Variants in ROBO2 observed in about 807,000 individuals in gnomAD.
ROBO2 encodes roundabout homolog 2.
A neutral mutation model predicts 160.8 loss-of-function variants in ROBO2; 53 were observed. The ratio of observed to expected loss-of-function variants is 0.33; its 90% CI spans 0.26 to 0.41. The LOEUF (loss-of-function observed/expected upper bound fraction) is 0.41. ROBO2 is among the 10% of genes least tolerant of loss of function. The probability of loss-of-function intolerance (pLI) is 1.00; values close to 1 mark genes in which losing one functional copy is unlikely to be tolerated. For missense variants in ROBO2, 1,577 were observed against 1,722.4 expected, an observed-to-expected ratio of 0.92 and a Z score of 1.49; for synonymous variants, 664 against 611.7, an observed-to-expected ratio of 1.09 and a Z score of -1.26.
chr3:76,441,846 T>C (rs929079311), intron 2 of ROBO2, among the ~76,000 whole-genome samples: 2 of 152,228 alleles, frequency 1.3e-5, no homozygotes, highest in Non-Finnish European at 2.9e-5. Flanking sequence ...TAGGCTGGCT[T>C]TGTCCCACCA....
intron 6 of ROBO2, among the ~76,000 whole-genome samples, chr3:77,532,817 A>G (rs1045807650): frequency 2.6e-5 from 4 of 151,562 alleles, no homozygotes; most frequent in African/African-American, 9.7e-5. Context: ...TTCGTTTTTA[A>G]AAGAGAGATT....
intron 2 of ROBO2, among the ~76,000 whole-genome samples, chr3:76,270,814 T>C (rs2107625795): frequency 6.6e-6 from 1 of 152,178 alleles, no homozygotes; most frequent in East Asian, 1.9e-4. Context: ...ATGTAGAGTA[T>C]AGCAACTTGG....
intron 2 of ROBO2, among the ~76,000 whole-genome samples, chr3:77,242,040 A>G (rs2151377824): frequency 6.6e-6 from 1 of 152,274 alleles, no homozygotes; most frequent in East Asian, 1.9e-4. Flanking sequence ...TTCTTTTAGC[A>G]ACTTACTTTG....
At chr3:76,561,922 C>T (rs150706983) in intron 2 of ROBO2, among the ~76,000 whole-genome samples, 111 of 152,244 alleles carry the variant, frequency 7.3e-4, no homozygotes, top group African/African-American at 2.6e-3. Flanking sequence ...CTTCAAAATT[C>T]AGGACAACAT....
intron 2 of ROBO2, among the ~76,000 whole-genome samples, chr3:75,943,633 AAAG>A (rs1330861855): frequency 1.3e-5 from 2 of 152,318 alleles, no homozygotes; most frequent in African/African-American, 4.8e-5. Flanking sequence ...AAACAGGAAA[AAAG>A]AAGTAAAGTG....
At chr3:77,301,563 T>C (rs2062658730) in intron 2 of ROBO2, among the ~76,000 whole-genome samples, 2 of 152,246 alleles carry the variant, frequency 1.3e-5, no homozygotes, top group Admixed American at 1.3e-4. Context: ...AAAATGTTCC[T>C]ATCATACATA....
chr3:76,857,761 T>A (rs1040735786), intron 2 of ROBO2, among the ~76,000 whole-genome samples: 1 of 152,192 alleles, frequency 6.6e-6, no homozygotes, highest in Non-Finnish European at 1.5e-5. Context: ...ACTCATTATC[T>A]TAATTAAAAT....
At chr3:76,951,709 T>A (rs1421225817) in intron 2 of ROBO2, among the ~76,000 whole-genome samples, 1 of 152,188 alleles carries the variant, frequency 6.6e-6, no homozygotes, top group Non-Finnish European at 1.5e-5. Flanking sequence ...ATTGTTTTCT[T>A]GTTAAAGACA....
intron 2 of ROBO2, among the ~76,000 whole-genome samples, chr3:76,304,408 G>A (rs1390711243): frequency 1.3e-5 from 2 of 152,142 alleles, no homozygotes; most frequent in African/African-American, 2.4e-5. Context: ...AAATAACGAC[G>A]TAATTAATGA....
intron 2 of ROBO2, among the ~76,000 whole-genome samples, chr3:76,558,190 T>G (rs906811031): frequency 6.6e-6 from 1 of 152,112 alleles, no homozygotes; most frequent in African/African-American, 2.4e-5. Flanking sequence ...TATTCCCGTG[T>G]GAACTGAAAA....
At chr3:77,312,646 C>T (rs1458754814) in intron 2 of ROBO2, among the ~76,000 whole-genome samples, 1 of 152,086 alleles carries the variant, frequency 6.6e-6, no homozygotes, top group Non-Finnish European at 1.5e-5. Context: ...ATTCTTAGGC[C>T]ATAAAGATCC....
chr3:76,482,009 A>G (rs1295842317), intron 2 of ROBO2, among the ~76,000 whole-genome samples: 1 of 152,116 alleles, frequency 6.6e-6, no homozygotes, highest in Non-Finnish European at 1.5e-5. Context: ...CTTGCATTCA[A>G]TAAGTCAGAA....
chr3:75,982,793 A>G (rs2065312925), intron 2 of ROBO2, among the ~76,000 whole-genome samples: 3 of 151,426 alleles, frequency 2.0e-5, no homozygotes, highest in East Asian at 1.9e-4. Context: ...AGCAAATCCA[A>G]TCAGCTTAAG....
At chr3:77,594,952 G>A (rs1436793037) in intron 17 of ROBO2, among the ~76,000 whole-genome samples, 190 bp from the exon 19 acceptor site, 1 of 152,088 alleles carries the variant, frequency 6.6e-6, no homozygotes, top group African/African-American at 2.4e-5. Flanking sequence ...TATTAAAATT[G>A]GAGCAAATGA....
At chr3:76,707,538 A>G (rs998450723) in intron 2 of ROBO2, among the ~76,000 whole-genome samples, 1 of 151,918 alleles carries the variant, frequency 6.6e-6, no homozygotes, top group African/African-American at 2.4e-5. Flanking sequence ...GGAGCATGCC[A>G]CAAGTTCCCA....
At chr3:77,469,519 A>C (rs1226120441) in intron 2 of ROBO2, among the ~76,000 whole-genome samples, 4 of 152,156 alleles carry the variant, frequency 2.6e-5, no homozygotes, top group Non-Finnish European at 5.9e-5. Context: ...AATCTGTGGT[A>C]GTTTTATGAG....
intron 2 of ROBO2, among the ~76,000 whole-genome samples, chr3:77,446,502 A>G (rs1028865658): frequency 2.0e-5 from 3 of 152,124 alleles, no homozygotes; most frequent in African/African-American, 7.2e-5. Flanking sequence ...AAATAAGTAT[A>G]TATCCATATT....
chr3:77,208,248 G>A (rs74980718), intron 2 of ROBO2, among the ~76,000 whole-genome samples: 1 of 152,198 alleles, frequency 6.6e-6, no homozygotes, highest in African/African-American at 2.4e-5. Flanking sequence ...GAATTTAAAA[G>A]TTATGAATAT....
chr3:77,265,232 C>G (rs559164696), intron 2 of ROBO2, among the ~76,000 whole-genome samples: 28 of 152,148 alleles, frequency 1.8e-4, no homozygotes, highest in Non-Finnish European at 3.2e-4. Context: ...AAAATGGAGG[C>G]ACTTGCCTAT....
Sources: gnomAD v4.1 joint callset for allele counts (sites outside exome capture counted in the v4.1 genomes callset) on GRCh38, gnomAD v4.1.1 for gene constraint, MANE v1.5 for transcripts, NCBI Gene and HGNC (gene_info 2026-07-23, HGNC 2026-07-21) for gene names.